The following XKR4 variants were observed in gnomAD, a reference collection of about 807,000 sequenced individuals.
The protein encoded by XKR4 is XK related 4.
Under a neutral mutation model 53.9 loss-of-function variants are expected in XKR4, and 12 were observed. The observed-to-expected ratio is 0.22, with a 90% confidence interval of 0.14 to 0.36. The LOEUF is 0.36. Among genes scored for constraint, XKR4 ranks in the 10% least tolerant of loss-of-function variants. XKR4 has a pLI of 1.00. For synonymous variants in XKR4, 354 were observed against 362.4 expected (o/e 0.98, Z 0.26); for missense variants, 799 against 859.5 (o/e 0.93, Z 0.88).
At chr8:55,338,616 C>T (rs1167731858) in intron 1 of XKR4, among the ~76,000 whole-genome samples, 1 of 152,190 alleles carries the variant, frequency 6.6e-6, no homozygotes, top group Non-Finnish European at 1.5e-5. Context: ...GCAAACACTG[C>T]AACTCAACAA....
At chr8:55,422,002 A>G (rs1804942023) in intron 2 of XKR4, among the ~76,000 whole-genome samples, 1 of 152,220 alleles carries the variant, frequency 6.6e-6, no homozygotes, top group Non-Finnish European at 1.5e-5. Flanking sequence ...TGATGTATGT[A>G]TTAATGTCCC....
intron 1 of XKR4, among the ~76,000 whole-genome samples, chr8:55,214,953 G>A (rs934390433): frequency 3.3e-5 from 5 of 152,160 alleles, no homozygotes; most frequent in African/African-American, 1.2e-4. Context: ...TCCAGGGTAT[G>A]TGTCTTTAGC....
chr8:55,265,437 A>G (rs571887482), intron 1 of XKR4, among the ~76,000 whole-genome samples: 1 of 152,262 alleles, frequency 6.6e-6, no homozygotes, highest in East Asian at 1.9e-4. Context: ...CCCATTCCAA[A>G]CTTGGTCCCT....
intron 2 of XKR4, chr8:55,452,615 G>T: frequency 8.7e-7 from 1 of 1,149,404 alleles, no homozygotes; most frequent in Non-Finnish European, 1.3e-6. Context: ...TTATCTGGAC[G>T]ATGTCTGGCA....
chr8:55,204,201 T>A (rs1222439993), intron 1 of XKR4, among the ~76,000 whole-genome samples: 1 of 152,076 alleles, frequency 6.6e-6, no homozygotes. Flanking sequence ...GAGACAGTTC[T>A]CGCAACGTTG....
chr8:55,484,212 T>C (rs1359364413), intron 2 of XKR4, among the ~76,000 whole-genome samples: 3 of 152,168 alleles, frequency 2.0e-5, no homozygotes, highest in Non-Finnish European at 4.4e-5. Flanking sequence ...AAAAGAACTC[T>C]CCAGGCCAAG....
At chr8:55,223,777 T>C (rs1817916023) in intron 1 of XKR4, among the ~76,000 whole-genome samples, 2 of 152,170 alleles carry the variant, frequency 1.3e-5, no homozygotes, top group African/African-American at 4.8e-5. Flanking sequence ...AGAAAGATAT[T>C]GTTACCTTTC....
At chr8:55,364,185 A>C (rs1156574141) in intron 2 of XKR4, among the ~76,000 whole-genome samples, 3 of 152,208 alleles carry the variant, frequency 2.0e-5, no homozygotes, top group Non-Finnish European at 2.9e-5. Flanking sequence ...TGATGGACTG[A>C]ATCACACAGT....
chr8:55,110,772 A>G (rs1816220327), intron 1 of XKR4, among the ~76,000 whole-genome samples: 1 of 152,160 alleles, frequency 6.6e-6, no homozygotes, highest in African/African-American at 2.4e-5. Flanking sequence ...CTATCTGAAA[A>G]TATACTTATA....
At chr8:55,186,531 T>C (rs1374253806) in intron 1 of XKR4, among the ~76,000 whole-genome samples, 3 of 151,432 alleles carry the variant, frequency 2.0e-5, no homozygotes, top group Non-Finnish European at 2.9e-5. Flanking sequence ...TGGCAGGCGC[T>C]TGTAGCCCCA....
At chr8:55,229,269 T>G (rs1709290263) in intron 1 of XKR4, among the ~76,000 whole-genome samples, 1 of 152,150 alleles carries the variant, frequency 6.6e-6, no homozygotes, top group Admixed American at 6.5e-5. Flanking sequence ...ACACGGCACC[T>G]CAGACCAATG....
intron 2 of XKR4, among the ~76,000 whole-genome samples, chr8:55,499,586 C>T (rs1191904279): frequency 2.0e-5 from 3 of 152,164 alleles, no homozygotes; most frequent in South Asian, 2.1e-4. Flanking sequence ...ACTTGTTCTC[C>T]TCACATCTGC....
In XKR4 at chr8:55,200,913, T is replaced by A. The variant is rs116049398; in HGVS notation, c.806+97619T>A. 8.7e-3 allele frequency among the ~76,000 whole-genome samples: 1,319 copies of A among 152,348 alleles called. 19 individuals carry two copies. The highest frequency in any genetic ancestry group is 0.03 in the African/African-American group (1,265 of 41,588). ...TGCTATTAGCTGTATTAGTATTGAA[T>A]CATAGTTAACAATGGGCTAACTGAA... is the stretch of plus-strand genomic sequence containing the variant. On this transcript the variant is annotated intron_variant, in intron 1 of 2. Transcript: ENST00000327381.
At chr8:55,190,781 C>T (rs572671364) in intron 1 of XKR4, among the ~76,000 whole-genome samples, 107 of 152,154 alleles carry the variant, frequency 7.0e-4, no homozygotes, top group Non-Finnish European at 2.4e-4. Context: ...TGCCAGGGTC[C>T]AGAGGGCCTC....
At chr8:55,249,062 T>C (rs1004964214) in intron 1 of XKR4, among the ~76,000 whole-genome samples, 2 of 152,186 alleles carry the variant, frequency 1.3e-5, no homozygotes, top group Non-Finnish European at 2.9e-5. Context: ...TCCTAAGTCA[T>C]GGTTAAAACA....
In XKR4 at chr8:55,524,990, A is replaced by G. The variant is rs1363167821; in HGVS notation, c.*763A>G. ...CAAGACCAAGGAGCTCAATAACTTC[A>G]TGATGTAAATTAAATAGTAATCATG... is the stretch of plus-strand genomic sequence containing the variant. On this transcript the variant is annotated 3_prime_UTR_variant, in exon 3 of 3. Transcript: ENST00000327381. The G allele has an allele frequency of 6.6e-6, 1 of 152,654 alleles. No homozygotes were observed. Among genetic ancestry groups the G allele is most frequent in the African/African-American group, 2.4e-5 (1 of 41,456 alleles). 9.5% of individuals were successfully genotyped at this position (152,654 alleles called of 1,614,324 possible).
At chr8:55,108,004 A>G (rs1280584809) in intron 1 of XKR4, among the ~76,000 whole-genome samples, 4 of 152,234 alleles carry the variant, frequency 2.6e-5, no homozygotes, top group Admixed American at 6.5e-5. Context: ...GGAAGACAGA[A>G]AAGTCAGTAG....
At chr8:55,172,845 C>T (rs372028025) in intron 1 of XKR4, among the ~76,000 whole-genome samples, 1 of 152,146 alleles carries the variant, frequency 6.6e-6, no homozygotes, top group African/African-American at 2.4e-5. Context: ...CTCAAGGTTT[C>T]ATTTATCTTG....
Position 55,164,320 on chromosome 8 carries a change from A to G in XKR4, c.806+61026A>G, listed in dbSNP as rs1204692938. The G allele has an allele frequency of 2.6e-5, 12 of 455,100 alleles. 1 individual carries two copies. The highest frequency in any genetic ancestry group is 6.5e-4 in the Middle Eastern group (2 of 3,096). The allele number at this position is 455,100 out of a possible 1,614,324, so 28.2% of individuals were successfully genotyped here. A position where few individuals can be genotyped will look rare whatever the true frequency, so the allele number is the denominator to read the frequency against. On this transcript the variant is annotated intron_variant, in intron 1 of 2. Transcript: ENST00000327381. Reference sequence around the variant, plus strand: ...GGGCAGGATGCTGTCAGCTATTGCTATTTGGAGGGTGAGATGACCCCTGAG... The same window carrying G: ...GGGCAGGATGCTGTCAGCTATTGCTGTTTGGAGGGTGAGATGACCCCTGAG...
Sources: gnomAD v4.1 joint callset for allele counts (sites outside exome capture counted in the v4.1 genomes callset) on GRCh38, gnomAD v4.1.1 for gene constraint, MANE v1.5 for transcripts, NCBI Gene and HGNC (gene_info 2026-07-23, HGNC 2026-07-21) for gene names.